The following HADH variants were observed in gnomAD, a reference collection of about 807,000 sequenced individuals.
The protein encoded by HADH is hydroxyacyl-CoA dehydrogenase.
HADH carries 24 observed loss-of-function variants against 32.2 expected under a neutral mutation model. The observed-to-expected ratio is 0.75, with a 90% CI of 0.54 to 1.05. The LOEUF is 1.05. HADH is among the 50% of genes least tolerant of loss of function. HADH has a pLI of 0.00. For synonymous variants in HADH, 139 were observed against 152.5 expected (o/e 0.91, Z 0.65); for missense variants, 350 against 397.1 (o/e 0.88, Z 1.01).
At chr4:107,994,896 A>G (rs1578241591) in intron 1 of HADH, among the ~76,000 whole-genome samples, 1 of 152,352 alleles carries the variant, frequency 6.6e-6, no homozygotes, top group African/African-American at 2.4e-5. Context: ...GGTAGGGCTC[A>G]CAGGCAACAG....
At chr4:107,994,041 A>G (rs552437210) in intron 1 of HADH, among the ~76,000 whole-genome samples, 1 of 152,278 alleles carries the variant, frequency 6.6e-6, no homozygotes, top group Non-Finnish European at 1.5e-5. Flanking sequence ...GAGAGAATGC[A>G]TAGCTTTCAT....
chr4:108,001,250 A>G (rs1048221333), intron 1 of HADH, among the ~76,000 whole-genome samples: 1 of 152,194 alleles, frequency 6.6e-6, no homozygotes, highest in Non-Finnish European at 1.5e-5. Flanking sequence ...AGGAGAATTG[A>G]TTTTAGGGTC....
intron 3 of HADH, among the ~76,000 whole-genome samples, chr4:108,015,768 C>T (rs1735671016): frequency 6.6e-6 from 1 of 152,090 alleles, no homozygotes; most frequent in East Asian, 1.9e-4. Flanking sequence ...GTCATGGATA[C>T]TCCTATGCCA....
chr4:108,027,375 A>G (rs1736102459), intron 5 of HADH: 2 of 444,580 alleles, frequency 4.5e-6, no homozygotes, highest in South Asian at 4.2e-5. Flanking sequence ...CCAAGAGAGT[A>G]TTCAAGATTG....
intron 3 of HADH, among the ~76,000 whole-genome samples, chr4:108,014,897 TTGAC>T (rs1350970363): frequency 1.3e-5 from 2 of 152,196 alleles, no homozygotes; most frequent in South Asian, 2.1e-4. Flanking sequence ...CATATGGTAT[TTGAC>T]TGAGTTGTTT....
intron 1 of HADH, among the ~76,000 whole-genome samples, chr4:108,006,654 A>G (rs1038479950): frequency 6.6e-6 from 1 of 152,140 alleles, no homozygotes; most frequent in Non-Finnish European, 1.5e-5. Flanking sequence ...TGTATTTCTA[A>G]CAAGTCCCCA....
At chr4:108,024,935 G>A (rs1446767702) in intron 5 of HADH, 2 of 152,198 alleles carry the variant, frequency 1.3e-5, no homozygotes, top group Non-Finnish European at 2.9e-5. Flanking sequence ...CTCTCTCTGT[G>A]TGGTATTCTA....
At chr4:108,028,619 G>A in intron 6 of HADH, 1 of 379,636 alleles carries the variant, frequency 2.6e-6, no homozygotes. Flanking sequence ...TATGGTTTAT[G>A]GAAGCAATTG....
At chr4:108,012,840 A>C (rs1468240815) in intron 2 of HADH, among the ~76,000 whole-genome samples, 2 of 152,258 alleles carry the variant, frequency 1.3e-5, no homozygotes, top group African/African-American at 4.8e-5. Context: ...AAGAAAAGTT[A>C]CTATTTATTC....
chr4:107,995,030 G>A (rs1339408442), intron 1 of HADH, among the ~76,000 whole-genome samples: 1 of 152,116 alleles, frequency 6.6e-6, no homozygotes, highest in Non-Finnish European at 1.5e-5. Flanking sequence ...CCTTGCTTGA[G>A]TTTCTTCTTT....
intron 3 of HADH, among the ~76,000 whole-genome samples, chr4:108,018,963 A>C (rs2126231777): frequency 6.6e-6 from 1 of 152,326 alleles, no homozygotes; most frequent in Non-Finnish European, 1.5e-5. Flanking sequence ...CTACCCATGT[A>C]ACCTTAAAAT....
At chr4:108,011,768 T>C (rs922806616) in intron 2 of HADH, among the ~76,000 whole-genome samples, 5 of 152,242 alleles carry the variant, frequency 3.3e-5, no homozygotes, top group African/African-American at 2.4e-5. Context: ...CCACCAGCAA[T>C]GTACGAAGGT....
rs111712175 is a variant in HADH at position 107,991,541 on chromosome 4, C to A, written c.132+1477C>A. ...TTTTATTTATATGACTTCTTACAGT[C>A]TCCCATTTCCTCTGAGACCATAATT... On this transcript the variant is annotated intron_variant, in intron 1 of 7. Transcript: ENST00000309522. Among the ~76,000 whole-genome samples the A allele has an allele frequency of 5.3e-3, 790 of 149,052 alleles. 7 individuals carry two copies. The highest frequency in any genetic ancestry group is 0.02 in the Middle Eastern group (6 of 294).
chr4:108,010,631 G>A lies in HADH; in HGVS notation c.261+744G>A, dbSNP rs528283092. On this transcript the variant is annotated intron_variant, in intron 2 of 7. Transcript: ENST00000309522. ...TTTCTCACTTCAAGTATCCAAGGTG[G>A]TATATCTAGATGCTTTTAAAAATTT... Among the ~76,000 whole-genome samples the A allele has an allele frequency of 2.0e-5, 3 of 152,218 alleles. No homozygotes were observed. In the South Asian group the frequency reaches 6.2e-4, roughly 32 times the overall value.
intron 2 of HADH, among the ~76,000 whole-genome samples, chr4:108,011,614 A>G (rs979202325): frequency 1.3e-5 from 2 of 152,202 alleles, no homozygotes; most frequent in Admixed American, 6.5e-5. Flanking sequence ...GAACATTGGT[A>G]TGCTATTGGT....
intron 6 of HADH, chr4:108,031,954 T>C (rs925975959): frequency 5.7e-6 from 1 of 175,986 alleles, no homozygotes; most frequent in Non-Finnish European, 1.2e-5. Flanking sequence ...TAATCCTAAT[T>C]AGTGTAGTTA....
chr4:108,028,187 G>T (rs1164296998), intron 6 of HADH: 1 of 254,654 alleles, frequency 3.9e-6, no homozygotes, highest in Admixed American at 5.0e-5. Context: ...TGACAAGGCC[G>T]ATATGTGGTA....
chr4:108,026,643 T>C (rs1462591512), intron 5 of HADH: 3 of 152,254 alleles, frequency 2.0e-5, no homozygotes, highest in Non-Finnish European at 4.4e-5. Context: ...TTTGTGTTAC[T>C]GTCCAGTTTC....
At chr4:108,006,389 G>A (rs1042998207) in intron 1 of HADH, among the ~76,000 whole-genome samples, 4 of 152,160 alleles carry the variant, frequency 2.6e-5, no homozygotes, top group Non-Finnish European at 5.9e-5. Context: ...ATCTGGGGGT[G>A]TTTTTAAAAA....
Sources: gnomAD v4.1 joint callset for allele counts (sites outside exome capture counted in the v4.1 genomes callset) on GRCh38, gnomAD v4.1.1 for gene constraint, MANE v1.5 for transcripts, NCBI Gene and HGNC (gene_info 2026-07-23, HGNC 2026-07-21) for gene names.